Variants in MSRB2 observed in about 807,000 individuals in gnomAD.
The protein encoded by MSRB2 is methionine sulfoxide reductase B2.
In MSRB2, 17 loss-of-function variants were observed where a neutral mutation model predicts 19.0. The observed-to-expected ratio is 0.89, with a 90% CI of 0.61 to 1.34. The LOEUF is 1.34. MSRB2 is among the 40% of genes most tolerant of loss of function. The pLI is 0.00. For synonymous variants in MSRB2, 107 were observed against 99.7 expected (o/e 1.07, Z -0.44); for missense variants, 208 against 237.6 (o/e 0.88, Z 0.82).
chr10:23,102,380 A>C (rs1158679836), intron 1 of MSRB2, among the ~76,000 whole-genome samples: 1 of 152,110 alleles, frequency 6.6e-6, no homozygotes, highest in Non-Finnish European at 1.5e-5. Context: ...TATACCAACA[A>C]TGTCTTTTAT....
chr10:23,103,441 C>G lies in MSRB2; in HGVS notation c.119-703C>G, dbSNP rs898990267. On this transcript the variant is annotated intron_variant, in intron 1 of 4. Coordinates refer to ENST00000376510, the MANE Select transcript of MSRB2 (RefSeq NM_012228.4). ...TTTATTATAGGAGTTGGGCTTCCTA[C>G]TCCCTTTGGCTAAAGAGAGTATTGC... Among the ~76,000 whole-genome samples the G allele has an allele frequency of 5.9e-5, 9 of 152,294 alleles. No homozygotes were observed. In the South Asian group the frequency reaches 8.3e-4, roughly 14 times the overall value.
chr10:23,108,475 CTT>C (rs566565955), intron 2 of MSRB2, among the ~76,000 whole-genome samples: 61 of 129,208 alleles, frequency 4.7e-4, no homozygotes, highest in Admixed American at 5.6e-4. Flanking sequence ...GAAACTTCCT[CTT>C]TTTTTTTTTT....
At chr10:23,096,229 T>G (rs1195054308) in intron 1 of MSRB2, among the ~76,000 whole-genome samples, 1 of 152,156 alleles carries the variant, frequency 6.6e-6, no homozygotes, top group Non-Finnish European at 1.5e-5. Context: ...TGACTTCCCA[T>G]AAATGTGTCT....
intron 1 of MSRB2, among the ~76,000 whole-genome samples, chr10:23,102,157 C>T (rs997853212): frequency 8.5e-5 from 13 of 152,168 alleles, no homozygotes; most frequent in South Asian, 6.2e-4. Context: ...GACACACACG[C>T]GCAAACGTAC....
At chr10:23,105,327 C>T (rs1239324244) in intron 2 of MSRB2, among the ~76,000 whole-genome samples, 1 of 152,008 alleles carries the variant, frequency 6.6e-6, no homozygotes, top group Non-Finnish European at 1.5e-5. Context: ...GGGTGTCTGT[C>T]ACCCGAATAC....
At chr10:23,119,825 C>T (rs1029876990) in intron 4 of MSRB2, among the ~76,000 whole-genome samples, 35 of 152,018 alleles carry the variant, frequency 2.3e-4, no homozygotes, top group Admixed American at 5.2e-4. Context: ...AAACTCCTGA[C>T]CGCAAGTGAT....
chr10:23,096,035 ACC>A lies in MSRB2; in HGVS notation c.118+312_118+313del, dbSNP rs572214402. 3.4e-3 allele frequency among the ~76,000 whole-genome samples: 514 copies of A among 150,578 alleles called. 4 individuals are homozygous for A. The highest frequency in any genetic ancestry group is 0.012 in the African/African-American group (489 of 40,876). On this transcript the variant is annotated intron_variant, in intron 1 of 4. Transcript: ENST00000376510. ...CATAAGTGGGGCTCGGGGGCCTCTG[ACC>A]CCTATCGGGGACTCCAGGCGAAGGC...
intron 2 of MSRB2, among the ~76,000 whole-genome samples, chr10:23,108,146 T>G (rs1194189956): frequency 6.6e-6 from 1 of 151,988 alleles, no homozygotes; most frequent in Non-Finnish European, 1.5e-5. Flanking sequence ...TTAGTAGAGA[T>G]GGGGTTTCAC....
At chr10:23,116,244 G>T (rs1426889485) in intron 3 of MSRB2, among the ~76,000 whole-genome samples, 1 of 152,136 alleles carries the variant, frequency 6.6e-6, no homozygotes, top group Non-Finnish European at 1.5e-5. Flanking sequence ...TTTAGAAAAG[G>T]AGACTTTATT....
rs542684764 is a variant in MSRB2, at chr10:23,111,131, C to T, written c.296+813C>T. ...AGTCTGGGCCTTCCTGCCCGGCTGG[C>T]TGCTAATGTGGGCTGCCTTAGGAAG... is the stretch of plus-strand genomic sequence containing the variant. On this transcript the variant is annotated intron_variant, in intron 3 of 4. Coordinates refer to ENST00000376510, the MANE Select transcript of MSRB2 (RefSeq NM_012228.4). Among the ~76,000 whole-genome samples the T allele has an allele frequency of 2.6e-5, 4 of 152,318 alleles. No homozygotes were observed. In the South Asian group the frequency reaches 8.3e-4, roughly 32 times the overall value.
intron 3 of MSRB2, among the ~76,000 whole-genome samples, chr10:23,112,781 AC>A (rs1162776510): frequency 6.6e-6 from 1 of 152,174 alleles, no homozygotes; most frequent in East Asian, 1.9e-4. Context: ...ACGGGGTTTC[AC>A]CATGTTAGCC....
intron 3 of MSRB2, among the ~76,000 whole-genome samples, chr10:23,115,663 G>T (rs769849607): frequency 6.6e-6 from 1 of 152,168 alleles, no homozygotes; most frequent in Non-Finnish European, 1.5e-5. Flanking sequence ...CTTACAATCT[G>T]CTAATCACTT....
intron 3 of MSRB2, among the ~76,000 whole-genome samples, chr10:23,117,811 G>A (rs1840129234): frequency 1.3e-5 from 2 of 152,074 alleles, no homozygotes; most frequent in East Asian, 1.9e-4. Flanking sequence ...GGCTGGTCTC[G>A]AACTCCTGAG....
At chr10:23,099,279 C>G (rs1041013587) in intron 1 of MSRB2, among the ~76,000 whole-genome samples, 6 of 152,332 alleles carry the variant, frequency 3.9e-5, no homozygotes, top group Non-Finnish European at 8.8e-5. Flanking sequence ...GAGCGTTCAT[C>G]ATTTTGCTAT....
chr10:23,096,374 T>TG (rs1458244236), intron 1 of MSRB2, among the ~76,000 whole-genome samples: 1 of 48,274 alleles, frequency 2.1e-5, no homozygotes, highest in African/African-American at 1.3e-4. Flanking sequence ...GTGTGTGTGT[T>TG]TCTGCTAAAT....
At chr10:23,107,111 G>T (rs1419348157) in intron 2 of MSRB2, among the ~76,000 whole-genome samples, 1 of 152,174 alleles carries the variant, frequency 6.6e-6, no homozygotes. Flanking sequence ...CACACTCCAG[G>T]CCTGCATGTG....
At chr10:23,110,192 C>T (rs767951128) in intron 2 of MSRB2, 50 bp from the exon 3 acceptor site, 39 of 1,441,888 alleles carry the variant, frequency 2.7e-5, no homozygotes, top group Non-Finnish European at 3.7e-5. Flanking sequence ...GTTTCAACTC[C>T]TGCCAGTAGT....
At chr10:23,117,322 A>C (rs1268872072) in intron 3 of MSRB2, among the ~76,000 whole-genome samples, 1 of 152,108 alleles carries the variant, frequency 6.6e-6, no homozygotes, top group Non-Finnish European at 1.5e-5. Flanking sequence ...TTTTCCAACC[A>C]CACTTGAGAC....
Position 23,095,669 on chromosome 10 carries a change from G to A in MSRB2, c.61G>A (p.Val21Met), listed in dbSNP as rs1024209728. ...LTLGTAPRRA[V>M]RGQAGGGGPG... is the part of the protein sequence containing the mutation. ...CCTCGGAACTGCGCCTCGGCGGGCG[G>A]TGCGGGGCCAAGCGGGCGGCGGCGG... The change falls in exon 1 of 5, where the codon GTG becomes ATG. Residue 21 changes from valine (V) to methionine (M), a missense_variant. Physicochemically the swap from Val to Met is conservative, Grantham distance 21 (BLOSUM62 1). Coordinates refer to ENST00000376510, the MANE Select transcript of MSRB2 (RefSeq NM_012228.4). 1.2e-5 allele frequency: 16 copies of A among 1,354,016 alleles called. No homozygotes were observed. In the African/African-American group the frequency reaches 2.5e-4, roughly 21 times the overall value. 83.9% of individuals were successfully genotyped at this position (1,354,016 alleles called of 1,614,324 possible).
Sources: allele counts gnomAD v4.1 joint callset (sites outside exome capture counted in the v4.1 genomes callset), GRCh38; gene constraint gnomAD v4.1.1; transcripts MANE v1.5; gene names NCBI Gene and HGNC (gene_info 2026-07-23, HGNC 2026-07-21).